The following EYS variants were observed in gnomAD, a reference collection of about 807,000 sequenced individuals.
The protein encoded by EYS is protein eyes shut homolog.
In EYS, 250 loss-of-function variants were observed where a neutral mutation model predicts 282.1. The observed-to-expected ratio is 0.89, with a 90% CI of 0.80 to 0.98. The LOEUF (loss-of-function observed/expected upper bound fraction) is 0.98. EYS is among the 50% of genes least tolerant of loss of function. The probability of loss-of-function intolerance (pLI) is 0.00; values close to 1 mark genes in which losing one functional copy is unlikely to be tolerated. For missense variants in EYS, 4,016 were observed against 3,709.0 expected (o/e 1.08, Z -2.15); for synonymous variants, 1,355 against 1,282.9 (o/e 1.06, Z -1.20).
chr6:64,536,404 T>C (rs1764519691), intron 26 of EYS, among the ~76,000 whole-genome samples: 1 of 152,184 alleles, frequency 6.6e-6, no homozygotes, highest in Non-Finnish European at 1.5e-5. Context: ...TCAGTGATGG[T>C]AACTTCACAA....
chr6:64,750,868 G>A (rs554077648), intron 22 of EYS, among the ~76,000 whole-genome samples: 2 of 152,140 alleles, frequency 1.3e-5, no homozygotes, highest in Admixed American at 6.5e-5. Context: ...AGAAAAGTAG[G>A]AGCCCCAGTA....
chr6:65,033,232 G>A (rs138496612), intron 13 of EYS, among the ~76,000 whole-genome samples: 298 of 152,252 alleles, frequency 2.0e-3, no homozygotes, highest in African/African-American at 6.9e-3. Context: ...AAACATAAGA[G>A]TTTGGAAAAT....
intron 22 of EYS, among the ~76,000 whole-genome samples, chr6:64,748,244 A>G (rs1355559974): frequency 6.6e-6 from 1 of 152,222 alleles, no homozygotes; most frequent in Non-Finnish European, 1.5e-5. Flanking sequence ...ACATCAACAC[A>G]TTTCAAATAT....
At chr6:63,821,874 A>G (rs1278771676) in intron 36 of EYS, 2 of 152,220 alleles carry the variant, frequency 1.3e-5, no homozygotes, top group Non-Finnish European at 2.9e-5. Context: ...GCATCCGTGA[A>G]ACTGTTCCAC....
chr6:63,886,590 A>G (rs1172982925), intron 35 of EYS, among the ~76,000 whole-genome samples: 1 of 152,232 alleles, frequency 6.6e-6, no homozygotes, highest in Non-Finnish European at 1.5e-5. Context: ...TGATAACAAG[A>G]TGATGAGGTG....
intron 11 of EYS, among the ~76,000 whole-genome samples, chr6:65,305,285 C>G (rs1483238623): frequency 1.3e-5 from 2 of 152,150 alleles, no homozygotes; most frequent in South Asian, 4.1e-4. Context: ...AGGTGTTTGT[C>G]AGTTTTGGCT....
chr6:65,160,499 A>C (rs1285227176), intron 12 of EYS, among the ~76,000 whole-genome samples: 1 of 150,874 alleles, frequency 6.6e-6, no homozygotes, highest in African/African-American at 2.4e-5. Flanking sequence ...AAATTTTCAA[A>C]GTTGGGGGCA....
chr6:65,369,306 AATATATATATTATATATATATATTT>A (rs888574528), intron 8 of EYS, among the ~76,000 whole-genome samples: 5 of 59,874 alleles, frequency 8.4e-5, no homozygotes, highest in African/African-American at 1.8e-4. Context: ...ATTTATGTAT[AATATATATATTATATATATATATTT>A]ATATATATAT....
At chr6:65,562,075 A>T (rs1051832402) in intron 2 of EYS, among the ~76,000 whole-genome samples, 6 of 151,888 alleles carry the variant, frequency 4.0e-5, no homozygotes, top group Admixed American at 6.6e-5. Flanking sequence ...GAAAATTACC[A>T]TATACACCAT....
At chr6:65,616,822 T>C (rs985911460) in intron 2 of EYS, among the ~76,000 whole-genome samples, 12 of 151,992 alleles carry the variant, frequency 7.9e-5, no homozygotes, top group Non-Finnish European at 1.5e-4. Flanking sequence ...TATTTTCTAA[T>C]AAAACGAAGA....
At chr6:65,087,274 C>A (rs1368052670) in intron 12 of EYS, among the ~76,000 whole-genome samples, 1 of 151,882 alleles carries the variant, frequency 6.6e-6, no homozygotes, top group Non-Finnish European at 1.5e-5. Context: ...TGCAGATCAT[C>A]CTGAAAGCTT....
At position 64,628,028 on chromosome 6, in the gene EYS, C is replaced by T. The variant is rs140655923; in HGVS notation, c.3444-1783G>A. Among the ~76,000 whole-genome samples the T allele has an allele frequency of 3.6e-3, 552 of 152,214 alleles. 2 individuals carry two copies. Among genetic ancestry groups the T allele is most frequent in the African/African-American group, 0.012 (518 of 41,534 alleles). ...CAGGGAGGCGGAGCTTGCAGTGAGC[C>T]CAGATCACGCCACTGCACTCCAGCC... is the stretch of plus-strand genomic sequence containing the variant. On this transcript the variant is annotated intron_variant, in intron 22 of 42. Coordinates refer to ENST00000503581, the MANE Select transcript of EYS (RefSeq NM_001142800.2).
At chr6:65,343,030 A>G (rs2150319081) in intron 10 of EYS, among the ~76,000 whole-genome samples, 1 of 151,230 alleles carries the variant, frequency 6.6e-6, no homozygotes, top group African/African-American at 2.4e-5. Flanking sequence ...AGTGATGTAT[A>G]TGTGATTGGC....
chr6:65,346,989 A>G (rs927720202), intron 9 of EYS, among the ~76,000 whole-genome samples: 2 of 151,820 alleles, frequency 1.3e-5, no homozygotes, highest in Admixed American at 1.3e-4. Context: ...TTAATAACCA[A>G]TGATACCAGG....
At chr6:64,711,962 G>T (rs1240772587) in intron 22 of EYS, among the ~76,000 whole-genome samples, 1 of 152,168 alleles carries the variant, frequency 6.6e-6, no homozygotes, top group Non-Finnish European at 1.5e-5. Context: ...TTAGGAAAGG[G>T]TAGGTATATG....
At chr6:64,547,159 A>T (rs558814028) in intron 26 of EYS, among the ~76,000 whole-genome samples, 81 of 152,266 alleles carry the variant, frequency 5.3e-4, no homozygotes, top group African/African-American at 1.8e-3. Context: ...GTGGACCCAA[A>T]GAGTGAGCAG....
intron 13 of EYS, among the ~76,000 whole-genome samples, chr6:65,014,110 A>G (rs1356058749): frequency 6.6e-6 from 1 of 152,158 alleles, no homozygotes; most frequent in Non-Finnish European, 1.5e-5. Context: ...AAGCTCTATG[A>G]GATAGGGAAT....
At chr6:64,592,715 C>T (rs944100897) in intron 25 of EYS, among the ~76,000 whole-genome samples, 2 of 151,980 alleles carry the variant, frequency 1.3e-5, no homozygotes, top group African/African-American at 4.8e-5. Context: ...GGAAAATAAG[C>T]ACATATCTTT....
chr6:65,702,526 T>C (rs1273842824), intron 1 of EYS, among the ~76,000 whole-genome samples: 3 of 152,096 alleles, frequency 2.0e-5, no homozygotes, highest in Admixed American at 1.3e-4. Context: ...AGCTTGTCTC[T>C]ACTAAAAATA....
Sources: gnomAD v4.1 joint callset for allele counts (sites outside exome capture counted in the v4.1 genomes callset) on GRCh38, gnomAD v4.1.1 for gene constraint, MANE v1.5 for transcripts, NCBI Gene and HGNC (gene_info 2026-07-23, HGNC 2026-07-21) for gene names.